Variants in KIAA1217 observed in about 807,000 individuals in gnomAD.
KIAA1217 encodes sickle tail protein homolog.
Under a neutral mutation model 163.9 loss-of-function variants are expected in KIAA1217, and 88 were observed. That is an observed-to-expected ratio of 0.54 (90% CI 0.45 to 0.64). KIAA1217 has a LOEUF of 0.64. Among genes scored for constraint, KIAA1217 ranks in the 30% least tolerant of loss-of-function variants. The pLI, the probability that KIAA1217 is intolerant of heterozygous loss-of-function variation, is 0.00. For synonymous variants in KIAA1217, 903 were observed against 923.1 expected, an observed-to-expected ratio of 0.98 and a Z score of 0.39; for missense variants, 2,372 against 2,475.0, an observed-to-expected ratio of 0.96 and a Z score of 0.88.
intron 2 of KIAA1217, among the ~76,000 whole-genome samples, chr10:24,364,913 C>G (rs1041828568): frequency 7.9e-5 from 12 of 152,180 alleles, no homozygotes; most frequent in African/African-American, 2.6e-4. Context: ...GTCCTCCCCC[C>G]TCAGCCCCCT....
intron 1 of KIAA1217, among the ~76,000 whole-genome samples, chr10:23,925,421 C>A (rs1272874875): frequency 6.6e-6 from 1 of 152,158 alleles, no homozygotes; most frequent in Non-Finnish European, 1.5e-5. Flanking sequence ...ATATTAAGGG[C>A]CGATACATAC....
At chr10:23,720,366 A>G (rs1206005355) in intron 1 of KIAA1217, among the ~76,000 whole-genome samples, 3 of 152,200 alleles carry the variant, frequency 2.0e-5, no homozygotes. Flanking sequence ...TTTTTACTAA[A>G]TGTTGAGTAA....
intron 3 of KIAA1217, among the ~76,000 whole-genome samples, chr10:24,408,507 A>G (rs146406254): frequency 2.0e-5 from 3 of 152,134 alleles, no homozygotes; most frequent in Admixed American, 6.5e-5. Flanking sequence ...CCTCTATTCA[A>G]TATACTGCGT....
chr10:24,478,098 G>A lies in KIAA1217; in HGVS notation c.1679+4038G>A, dbSNP rs534498717. ...AACACCAGTGGGAGGCTGAGAAATC[G>A]GTGGCTGTGCTTTCTGTTGGCACTG... On this transcript the variant is annotated intron_variant, in intron 6 of 20. Transcript: ENST00000376454. 3.3e-5 allele frequency among the ~76,000 whole-genome samples: 5 copies of A among 152,266 alleles called. No homozygotes were observed. In the South Asian group the frequency reaches 6.2e-4, roughly 19 times the overall value.
Position 23,755,698 on chromosome 10 carries a change from A to T in KIAA1217, c.-321+60464A>T, listed in dbSNP as rs191205752. On this transcript the variant is annotated intron_variant, in intron 1 of 18. Coordinates refer to the KIAA1217 transcript ENST00000376462. ...TGTGGAAGGAAAAAATAGAAATGTCAATAGTCAAAATAAGAAGTTTGACTG... is the reference window on the plus strand; with the variant it reads ...TGTGGAAGGAAAAAATAGAAATGTCTATAGTCAAAATAAGAAGTTTGACTG... Among the ~76,000 whole-genome samples the T allele has an allele frequency of 2.6e-5, 4 of 152,324 alleles. No individual in the cohort carries two copies. The East Asian group carries it at 7.7e-4, about 29-fold the overall frequency.
chr10:24,099,413 C>T (rs1287440670), intron 2 of KIAA1217, among the ~76,000 whole-genome samples: 1 of 151,308 alleles, frequency 6.6e-6, no homozygotes, highest in Non-Finnish European at 1.5e-5. Context: ...CAATTCCCAC[C>T]TATGAGTGAG....
Position 24,370,079 on chromosome 10 carries a change from C to T in KIAA1217, c.355-10790C>T, listed in dbSNP as rs11014061. Among the ~76,000 whole-genome samples the T allele has an allele frequency of 5.1e-4, 77 of 152,208 alleles. 1 individual carries two copies. In the East Asian group the frequency reaches 0.013, roughly 26 times the overall value. On this transcript the variant is annotated intron_variant, in intron 2 of 20. Transcript: ENST00000376454. ...AGGAGATCGAGACCATCCTGGCTAA[C>T]ACGGTGAAACCCCATCTCTACTACA...
At chr10:23,997,324 T>A (rs1846532201) in intron 1 of KIAA1217, among the ~76,000 whole-genome samples, 1 of 152,124 alleles carries the variant, frequency 6.6e-6, no homozygotes, top group African/African-American at 2.4e-5. Flanking sequence ...GAAAATAGAG[T>A]TTAAGGCCAC....
chr10:24,204,938 CTTT>C (rs1336202708), upstream of KIAA1217, among the ~76,000 whole-genome samples: 4 of 152,212 alleles, frequency 2.6e-5, no homozygotes, highest in East Asian at 7.7e-4. Flanking sequence ...TTGTTGACTT[CTTT>C]GTTTTTCACT....
intron 2 of KIAA1217, among the ~76,000 whole-genome samples, chr10:24,194,732 C>T (rs973326639): frequency 4.3e-4 from 64 of 150,388 alleles, no homozygotes; most frequent in Middle Eastern, 3.4e-3. Context: ...TATAGGCATG[C>T]ACCACCTATA....
At chr10:23,952,922 A>G (rs895827234) in intron 1 of KIAA1217, among the ~76,000 whole-genome samples, 6 of 152,190 alleles carry the variant, frequency 3.9e-5, no homozygotes, top group Admixed American at 1.3e-4. Flanking sequence ...GAATGTCAGT[A>G]ACACCTCTGT....
intron 3 of KIAA1217, among the ~76,000 whole-genome samples, chr10:24,395,942 G>A (rs1415375092): frequency 1.3e-5 from 2 of 152,130 alleles, no homozygotes; most frequent in African/African-American, 4.8e-5. Context: ...CAAAACTGCT[G>A]GAATTACAGG....
chr10:23,970,083 T>C (rs953653512), intron 1 of KIAA1217, among the ~76,000 whole-genome samples: 3 of 152,154 alleles, frequency 2.0e-5, no homozygotes, highest in Non-Finnish European at 4.4e-5. Flanking sequence ...CCACACCACA[T>C]GGGAATTATG....
intron 2 of KIAA1217, among the ~76,000 whole-genome samples, chr10:24,201,794 T>C (rs928537564): frequency 2.6e-5 from 4 of 152,210 alleles, no homozygotes; most frequent in African/African-American, 9.6e-5. Context: ...TGACTGGCTT[T>C]CAAGAATTCT....
chr10:23,825,503 C>T (rs1335216677), intron 1 of KIAA1217, among the ~76,000 whole-genome samples: 1 of 152,170 alleles, frequency 6.6e-6, no homozygotes, highest in Non-Finnish European at 1.5e-5. Flanking sequence ...GAAAAGCTAA[C>T]TGGCTTTAAT....
intron 1 of KIAA1217, among the ~76,000 whole-genome samples, chr10:23,823,852 G>T (rs996307618): frequency 6.6e-6 from 1 of 152,178 alleles, no homozygotes; most frequent in Admixed American, 6.5e-5. Flanking sequence ...TTAAAAAGGG[G>T]TGGAAGGGAA....
At chr10:23,774,091 T>G (rs988419482) in intron 1 of KIAA1217, among the ~76,000 whole-genome samples, 1 of 152,328 alleles carries the variant, frequency 6.6e-6, no homozygotes, top group Admixed American at 6.5e-5. Flanking sequence ...ATATTGGCTG[T>G]GGGTTTGTCA....
At chr10:24,343,293 A>G (rs1338498330) in intron 2 of KIAA1217, among the ~76,000 whole-genome samples, 1 of 152,202 alleles carries the variant, frequency 6.6e-6, no homozygotes, top group African/African-American at 2.4e-5. Context: ...TATCCTGTAT[A>G]TTAACTTTTT....
Position 24,308,926 on chromosome 10 carries a change from C to A in KIAA1217, c.355-71943C>A, listed in dbSNP as rs186612112. ...TCAGTTGAGGTGAGGAGTTTGAGAC[C>A]AGCCTGGCCAACATGGTGAAATGCT... On this transcript the variant is annotated intron_variant, in intron 2 of 20. Coordinates refer to ENST00000376454, the MANE Select transcript of KIAA1217 (RefSeq NM_019590.5). Among the ~76,000 whole-genome samples, 302 of 152,104 alleles carry A rather than the reference C, an allele frequency of 2.0e-3. 2 individuals are homozygous for A. Among genetic ancestry groups the A allele is most frequent in the Non-Finnish European group, 3.6e-3 (243 of 67,992 alleles).
Sources: gnomAD v4.1 joint callset for allele counts (sites outside exome capture counted in the v4.1 genomes callset) on GRCh38, gnomAD v4.1.1 for gene constraint, MANE v1.5 for transcripts, NCBI Gene and HGNC (gene_info 2026-07-23, HGNC 2026-07-21) for gene names.